ITSN1: variants seen among roughly 807,000 people sequenced by gnomAD.
ITSN1 encodes the protein intersectin-1.
ITSN1 carries 58 observed loss-of-function variants against 239.8 expected under a neutral mutation model. That is an observed-to-expected ratio of 0.24 (90% CI 0.20 to 0.30). ITSN1 has a LOEUF of 0.30. ITSN1 is among the 10% of genes least tolerant of loss of function. ITSN1 has a pLI of 1.00. For missense variants in ITSN1, 1,558 were observed against 2,103.3 expected (o/e 0.74, Z 5.07); for synonymous variants, 780 against 770.8 (o/e 1.01, Z -0.20).
At chr21:33,881,051 G>A (rs970325061) in intron 34 of ITSN1, among the ~76,000 whole-genome samples, 10 of 152,038 alleles carry the variant, frequency 6.6e-5, no homozygotes, top group Non-Finnish European at 1.3e-4. Flanking sequence ...CGGGTGAGTC[G>A]GGTGAGGTTT....
intron 19 of ITSN1, 55 bp downstream of exon 19, chr21:33,799,984 C>T: frequency 6.5e-7 from 1 of 1,544,246 alleles, no homozygotes; most frequent in South Asian, 1.2e-5. Context: ...CCTCTGTCCT[C>T]TTTTTTTCAC....
At chr21:33,800,846 A>G (rs2071942019) in intron 19 of ITSN1, among the ~76,000 whole-genome samples, 1 of 148,464 alleles carries the variant, frequency 6.7e-6, no homozygotes, top group African/African-American at 2.5e-5. Context: ...ACAAGTTCTC[A>G]CTCTGTTGCC....
At chr21:33,793,846 G>A (rs1441521277) in intron 16 of ITSN1, among the ~76,000 whole-genome samples, 1 of 152,192 alleles carries the variant, frequency 6.6e-6, no homozygotes, top group African/African-American at 2.4e-5. Context: ...GAATTGAGGA[G>A]CAAAGAGATG....
chr21:33,887,637 G>A (rs565882607), intron 39 of ITSN1, among the ~76,000 whole-genome samples: 37 of 149,754 alleles, frequency 2.5e-4, no homozygotes, highest in African/African-American at 7.6e-4. Flanking sequence ...TGTTGTTCTC[G>A]CTCTGTCACT....
chr21:33,816,090 G>A (rs940585614), intron 22 of ITSN1, among the ~76,000 whole-genome samples: 1 of 152,116 alleles, frequency 6.6e-6, no homozygotes, highest in Admixed American at 6.5e-5. Context: ...CTACTTGGGA[G>A]GCTGAGGCAG....
chr21:33,780,114 CTCTT>C (rs1384984908), intron 14 of ITSN1, among the ~76,000 whole-genome samples: 1 of 152,124 alleles, frequency 6.6e-6, no homozygotes, highest in Non-Finnish European at 1.5e-5. Flanking sequence ...TGTGTTAACT[CTCTT>C]TATGTGTCTT....
Position 33,877,971 on chromosome 21 carries a change from AGTCTCTCTCT to A in ITSN1, c.4341+2459_4341+2468del, listed in dbSNP as rs371119511. Among the ~76,000 whole-genome samples, 34 of 131,050 alleles carry A rather than the reference AGTCTCTCTCT, an allele frequency of 2.6e-4. No individual in the cohort carries two copies. In the East Asian group the frequency reaches 7.8e-3, roughly 30 times the overall value. 86.0% of individuals were successfully genotyped at this position (131,050 alleles called of 152,430 possible). A position where few individuals can be genotyped will look rare whatever the true frequency, so the allele number is the denominator to read the frequency against. ...AGTCCACTCTACTTCCAGCAACAGA[AGTCTCTCTCT>A]GTCTCTCTTTCTCTTTCTCTCTCTC... On this transcript the variant is annotated intron_variant, in intron 34 of 39. Coordinates refer to ENST00000381318, the MANE Select transcript of ITSN1 (RefSeq NM_003024.3).
At chr21:33,871,139 A>C (rs994588273) in intron 33 of ITSN1, among the ~76,000 whole-genome samples, 2 of 151,984 alleles carry the variant, frequency 1.3e-5, no homozygotes, top group East Asian at 1.9e-4. Flanking sequence ...TCAAAAAAAA[A>C]ACAAAAAACA....
chr21:33,783,779 C>T (rs915538), intron 16 of ITSN1, among the ~76,000 whole-genome samples: 26,269 of 151,314 alleles, frequency 0.17, 3,019 homozygotes, highest in African/African-American at 0.32. Context: ...ATTAAGCTCT[C>T]TTCTGAACCC....
Position 33,711,650 on chromosome 21 carries a change from T to TG in ITSN1, c.-32-7146dup, listed in dbSNP as rs1280170415. Among the ~76,000 whole-genome samples, 167 of 100,986 alleles carry TG rather than the reference T, an allele frequency of 1.7e-3. 1 individual carries two copies. Among genetic ancestry groups the TG allele is most frequent in the South Asian group, 0.015 (44 of 2,954 alleles). The allele number at this position is 100,986 out of a possible 152,430, so 66.3% of individuals were successfully genotyped here. The stretch of plus-strand genomic sequence containing the variant: ...CTTTTTGGCTATGTCTTTTTCTGTG[T>TG]GTTGTGTGTGTGTGTGTGTGTGTGT... On this transcript the variant is annotated intron_variant, in intron 1 of 39. Transcript: ENST00000381318.
At chr21:33,851,421 C>T (rs1489449547) in intron 29 of ITSN1, among the ~76,000 whole-genome samples, 1 of 151,400 alleles carries the variant, frequency 6.6e-6, no homozygotes, top group East Asian at 1.9e-4. Context: ...TTTTTTGAGA[C>T]AGAGTCTCGC....
At chr21:33,842,494 C>T (rs1453295938) in intron 29 of ITSN1, among the ~76,000 whole-genome samples, 1 of 121,754 alleles carries the variant, frequency 8.2e-6, no homozygotes, top group Non-Finnish European at 1.6e-5. Context: ...ATGATGTCAA[C>T]GGTGTGTGTG....
At position 33,676,107 on chromosome 21, in the gene ITSN1, T is replaced by C. The variant is rs542223975; in HGVS notation, c.-33+33394T>C. Among the ~76,000 whole-genome samples the C allele has an allele frequency of 8.6e-5, 13 of 151,556 alleles. No individual in the cohort carries two copies. The South Asian group carries it at 2.7e-3, about 32-fold the overall frequency. ...TGGAGTGCAGTGGCACGATCTCGGC[T>C]CACTGCAACCTCTGCCTCCTGGGTT... On this transcript the variant is annotated intron_variant, in intron 1 of 39. Transcript: ENST00000381318.
chr21:33,761,005 T>TGA (rs1456699108), intron 8 of ITSN1, among the ~76,000 whole-genome samples: 1 of 152,104 alleles, frequency 6.6e-6, no homozygotes, highest in Non-Finnish European at 1.5e-5. Context: ...GAGCTTATTT[T>TGA]GAGAGAAGAG....
intron 1 of ITSN1, among the ~76,000 whole-genome samples, chr21:33,669,078 C>T (rs1022375573): frequency 6.6e-6 from 1 of 152,182 alleles, no homozygotes; most frequent in Non-Finnish European, 1.5e-5. Context: ...CAGAAACAGA[C>T]AGAGAAGAAG....
intron 16 of ITSN1, among the ~76,000 whole-genome samples, chr21:33,791,154 TG>T (rs1224973064): frequency 6.6e-6 from 1 of 152,220 alleles, no homozygotes; most frequent in Admixed American, 6.5e-5. Flanking sequence ...TGTTGATTCA[TG>T]CCATAGTAAA....
At chr21:33,728,491 G>A (rs931669915) in intron 4 of ITSN1, among the ~76,000 whole-genome samples, 3 of 152,188 alleles carry the variant, frequency 2.0e-5, no homozygotes, top group African/African-American at 7.2e-5. Flanking sequence ...GCCTCCCAAA[G>A]TGCTGGGATT....
intron 21 of ITSN1, among the ~76,000 whole-genome samples, chr21:33,811,702 A>G (rs2072928887): frequency 6.6e-6 from 1 of 152,202 alleles, no homozygotes; most frequent in South Asian, 2.1e-4. Context: ...ACAAATGTAC[A>G]GTAGAATGAA....
chr21:33,687,884 C>T (rs2091323644), intron 1 of ITSN1, among the ~76,000 whole-genome samples: 1 of 152,116 alleles, frequency 6.6e-6, no homozygotes, highest in Non-Finnish European at 1.5e-5. Flanking sequence ...TTTGATTTTT[C>T]AGGCTGAATA....
Sources: allele counts gnomAD v4.1 joint callset (sites outside exome capture counted in the v4.1 genomes callset), GRCh38; gene constraint gnomAD v4.1.1; transcripts MANE v1.5; gene names NCBI Gene and HGNC (gene_info 2026-07-23, HGNC 2026-07-21).